The following FGF6 variants were observed in gnomAD, a reference collection of about 807,000 sequenced individuals.
FGF6 encodes the protein fibroblast growth factor 6.
Under a neutral mutation model 18.4 loss-of-function variants are expected in FGF6, and 14 were observed. The observed-to-expected ratio is 0.76, with a 90% CI of 0.50 to 1.19. The LOEUF (loss-of-function observed/expected upper bound fraction) is 1.19, where lower values mean the gene tolerates loss of function less well. Among genes scored for constraint, FGF6 ranks in the 50% most tolerant of loss-of-function variants. The pLI is 0.00. For synonymous variants in FGF6, 125 were observed against 116.7 expected (o/e 1.07, Z -0.46); for missense variants, 266 against 271.6 (o/e 0.98, Z 0.15).
chr12:4,435,527 C>T (rs1185428861), intron 2 of FGF6, among the ~76,000 whole-genome samples: 1 of 152,170 alleles, frequency 6.6e-6, no homozygotes, highest in Non-Finnish European at 1.5e-5. Context: ...AGGCTGGGGA[C>T]TGCTGTCCAA....
At chr12:4,436,094 G>A (rs761900450) in intron 2 of FGF6, among the ~76,000 whole-genome samples, 3 of 152,152 alleles carry the variant, frequency 2.0e-5, no homozygotes, top group Non-Finnish European at 2.9e-5. Flanking sequence ...TAAAGGAATC[G>A]TACTGCTAGT....
chr12:4,437,380 G>A (rs541114400), intron 2 of FGF6, among the ~76,000 whole-genome samples: 26 of 152,302 alleles, frequency 1.7e-4, no homozygotes, highest in Non-Finnish European at 2.8e-4. Flanking sequence ...GAGTGCCTGG[G>A]AGACAGTAAG....
intron 2 of FGF6, among the ~76,000 whole-genome samples, chr12:4,442,629 C>T (rs1478709241): frequency 2.6e-5 from 4 of 152,192 alleles, no homozygotes; most frequent in East Asian, 1.9e-4. Flanking sequence ...TATGGGCTTC[C>T]GGGCATTATG....
At chr12:4,437,285 A>C (rs1865638541) in intron 2 of FGF6, among the ~76,000 whole-genome samples, 1 of 152,198 alleles carries the variant, frequency 6.6e-6, no homozygotes, top group African/African-American at 2.4e-5. Context: ...GCCTCGAAAG[A>C]CTGCCTTACC....
intron 2 of FGF6, among the ~76,000 whole-genome samples, chr12:4,437,359 G>A (rs905143071): frequency 1.3e-5 from 2 of 152,176 alleles, no homozygotes; most frequent in African/African-American, 2.4e-5. Context: ...TAAGCTCTGC[G>A]GTTTTTGATG....
intron 2 of FGF6, 100 bp from the exon 3 acceptor site, chr12:4,434,491 C>CT (rs1427331663): frequency 1.9e-5 from 21 of 1,087,264 alleles, no homozygotes; most frequent in Middle Eastern, 2.9e-4. Flanking sequence ...GCCAGGTGCC[C>CT]TTCCCTTCTC....
intron 2 of FGF6, among the ~76,000 whole-genome samples, chr12:4,436,665 C>A (rs539097780): frequency 6.6e-6 from 1 of 152,166 alleles, no homozygotes; most frequent in South Asian, 2.1e-4. Flanking sequence ...CATAAGGAGA[C>A]CCCTGCATGG....
intron 2 of FGF6, among the ~76,000 whole-genome samples, chr12:4,434,797 TG>T (rs2137025365): frequency 6.6e-6 from 1 of 152,318 alleles, no homozygotes; most frequent in East Asian, 1.9e-4. Flanking sequence ...AAGTCCACTC[TG>T]AGAGGGAGTC....
chr12:4,435,686 TAG>T (rs1359072164), intron 2 of FGF6, among the ~76,000 whole-genome samples: 1 of 152,194 alleles, frequency 6.6e-6, no homozygotes, highest in African/African-American at 2.4e-5. Flanking sequence ...GCTAATTTTG[TAG>T]AGTGTGTGTG....
intron 2 of FGF6, among the ~76,000 whole-genome samples, chr12:4,441,795 A>G (rs551787476): frequency 1.3e-5 from 2 of 152,236 alleles, no homozygotes; most frequent in Non-Finnish European, 2.9e-5. Flanking sequence ...GAATGAAATC[A>G]TCACCCAGCA....
intron 2 of FGF6, among the ~76,000 whole-genome samples, chr12:4,438,169 A>G (rs1416441494): frequency 1.3e-5 from 2 of 152,182 alleles, no homozygotes; most frequent in Admixed American, 1.3e-4. Context: ...CTAATAAGAG[A>G]AATGTAAGTT....
Position 4,445,218 on chromosome 12 carries a change from C to T in FGF6, c.346+7G>A. 2 of 1,601,208 alleles carry T rather than the reference C, an allele frequency of 1.2e-6. No individual in the cohort carries two copies. Among genetic ancestry groups the T allele is most frequent in the Non-Finnish European group, 8.5e-7 (1 of 1,174,220 alleles). On this transcript the variant is annotated splice_region_variant and intron_variant, in intron 1 of 2. Transcript: ENST00000228837. This position sits in a 1 kb window ranked among gnomAD's most constrained non-coding sequence, Gnocchi z 5.5. Reference sequence around the variant, plus strand: ...AAGCGTCCCGACTGGCTGCAGCTGGCACTCACTGTAGGGGTTCTCCTCGTG... The same window carrying T: ...AAGCGTCCCGACTGGCTGCAGCTGGTACTCACTGTAGGGGTTCTCCTCGTG...
rs147013871 is a variant in FGF6, at chr12:4,445,358, C to G, written c.213G>C (p.Gly71=). Residue 71 remains glycine (G), a synonymous_variant, in exon 1 of 3, where the codon GGG becomes GGC. Transcript: ENST00000228837. This position sits in a 1 kb window ranked among gnomAD's most constrained non-coding sequence, Gnocchi z 5.5. ...CCAAATAGCCACTTTCCCAGTTCACCCCGGCAATCTCTCCAGCTAGCCCGG... is the reference window on the plus strand; with the variant it reads ...CCAAATAGCCACTTTCCCAGTTCACGCCGGCAATCTCTCCAGCTAGCCCGG... ...SRAGLAGEIA[G]VNWESGYLVG... is the part of the protein sequence containing the mutation. 2.0e-5 allele frequency: 32 copies of G among 1,613,942 alleles called. No homozygotes were observed. In the Middle Eastern group the frequency reaches 6.6e-4, roughly 33 times the overall value.
chr12:4,434,534 C>A, intron 2 of FGF6, 143 bp from the exon 3 acceptor site: 1 of 724,206 alleles, frequency 1.4e-6, no homozygotes, highest in Non-Finnish European at 2.4e-6. Flanking sequence ...GTCTGAGCAT[C>A]CTGGGTGAAC....
In FGF6 at chr12:4,445,162, A is replaced by G; in HGVS notation, c.346+63T>C. 7.3e-7 allele frequency: 1 copy of G among 1,378,914 alleles called. No homozygotes were observed. The highest frequency in any genetic ancestry group is 1.0e-6 in the Non-Finnish European group (1 of 1,004,004). The allele number at this position is 1,378,914 out of a possible 1,614,324, so 85.4% of individuals were successfully genotyped here. On this transcript the variant is annotated intron_variant, in intron 1 of 2. Coordinates refer to ENST00000228837, the MANE Select transcript of FGF6 (RefSeq NM_020996.3). This position sits in a 1 kb window ranked among gnomAD's most constrained non-coding sequence, Gnocchi z 5.5. ...CTGTCCGCTAGAGCAGGGCCCCTTC[A>G]CCTTTTAGCCCTGCATGAGCCCAAA...
Position 4,434,298 on chromosome 12 carries a change from C to A in FGF6, c.544G>T (p.Ala182Ser), listed in dbSNP as rs748123118. The change falls in exon 3 of 3, where the codon GCC becomes TCC. Residue 182 changes from alanine to serine, a missense_variant. Coordinates refer to ENST00000228837, the MANE Select transcript of FGF6 (RefSeq NM_020996.3). ...TTTACCCGTCCGTATTTGCTCAGGG[C>A]AATGTAGGTCCCTTGGTACAAGTCT... ...ESDLYQGTYI[A>S]LSKYGRVKRG... is the part of the protein sequence containing the mutation. 1.2e-6 allele frequency: 2 copies of A among 1,614,140 alleles called. No homozygotes were observed. Among genetic ancestry groups the A allele is most frequent in the Middle Eastern group, 1.7e-4 (1 of 6,060 alleles).
At chr12:4,438,742 ACT>A (rs1382860233) in intron 2 of FGF6, among the ~76,000 whole-genome samples, 1 of 112,264 alleles carries the variant, frequency 8.9e-6, no homozygotes. Flanking sequence ...ACAGAGCGAG[ACT>A]CTATCTCAAA....
Position 4,445,761 on chromosome 12 carries a change from A to G in FGF6, c.-191T>C. On this transcript the variant is annotated 5_prime_UTR_variant, in exon 1 of 3. Transcript: ENST00000228837. The surrounding 1 kb of genome is among the most constrained non-coding windows in gnomAD (Gnocchi z 5.5). Reference sequence around the variant, plus strand: ...GGACCCAGGCTGAGCCGCGGCCGGTAGAGACCATGGCTCGGGGACGCTCTC... The same window carrying G: ...GGACCCAGGCTGAGCCGCGGCCGGTGGAGACCATGGCTCGGGGACGCTCTC... 1.7e-6 allele frequency: 1 copy of G among 593,808 alleles called. No homozygotes were observed. Among genetic ancestry groups the G allele is most frequent in the Non-Finnish European group, 3.0e-6 (1 of 336,244 alleles). 36.8% of individuals were successfully genotyped at this position (593,808 alleles called of 1,614,324 possible). A position where few individuals can be genotyped will look rare whatever the true frequency, so the allele number is the denominator to read the frequency against.
intron 2 of FGF6, among the ~76,000 whole-genome samples, chr12:4,439,259 C>T (rs1019986094): frequency 6.6e-6 from 1 of 152,190 alleles, no homozygotes; most frequent in South Asian, 2.1e-4. Flanking sequence ...TGTTGGGTCA[C>T]GGCCCCTCTC....
Sources: gnomAD v4.1 joint callset for allele counts (sites outside exome capture counted in the v4.1 genomes callset) on GRCh38, gnomAD v4.1.1 for gene constraint, Gnocchi (gnomAD v3.1) non-coding constraint, MANE v1.5 for transcripts, NCBI Gene and HGNC (gene_info 2026-07-23, HGNC 2026-07-21) for gene names.